PDE9A: variants seen among roughly 807,000 people sequenced by gnomAD.
PDE9A encodes the protein high affinity cGMP-specific 3',5'-cyclic phosphodiesterase 9A.
Under a neutral mutation model 87.4 loss-of-function variants are expected in PDE9A, and 60 were observed. The observed-to-expected ratio is 0.69, with a 90% CI of 0.56 to 0.85. The LOEUF is 0.85. Among genes scored for constraint, PDE9A ranks in the 40% least tolerant of loss-of-function variants. The pLI is 0.00. For missense variants in PDE9A, 665 were observed against 779.0 expected, an observed-to-expected ratio of 0.85 and a Z score of 1.74; for synonymous variants, 272 against 279.4, an observed-to-expected ratio of 0.97 and a Z score of 0.27.
intron 17 of PDE9A, among the ~76,000 whole-genome samples, chr21:42,770,485 G>C (rs751161525): frequency 6.6e-6 from 1 of 152,162 alleles, no homozygotes; most frequent in Non-Finnish European, 1.5e-5. Context: ...GGGGACACAG[G>C]AGGCAGGAAG....
intron 1 of PDE9A, among the ~76,000 whole-genome samples, chr21:42,680,561 G>A (rs879561437): frequency 9.2e-5 from 14 of 152,224 alleles, no homozygotes; most frequent in Non-Finnish European, 1.9e-4. Context: ...GGGTACAACC[G>A]ACCAGAGCCC....
In PDE9A at chr21:42,694,626, A is replaced by G. The variant is rs1437737754; in HGVS notation, c.219-4342A>G. 6.6e-6 allele frequency among the ~76,000 whole-genome samples: 1 copy of G among 152,192 alleles called. No homozygotes were observed. The highest frequency in any genetic ancestry group is 1.5e-5 in the Non-Finnish European group (1 of 68,042). ...TTCTTTCAAAATACTCCTTGCCTTAATGCCATCCTTTAGATTTTGGTGGCT... is the reference window on the plus strand; with the variant it reads ...TTCTTTCAAAATACTCCTTGCCTTAGTGCCATCCTTTAGATTTTGGTGGCT... On this transcript the variant is annotated intron_variant, in intron 3 of 19. Transcript: ENST00000291539. This position sits in a 1 kb window ranked among gnomAD's most constrained non-coding sequence, Gnocchi z 5.3.
chr21:42,680,991 T>TC (rs2059138883), intron 1 of PDE9A, among the ~76,000 whole-genome samples: 1 of 152,214 alleles, frequency 6.6e-6, no homozygotes. Context: ...TGTGTGAAAA[T>TC]CACAGGATTT....
rs2058820983 is a variant in PDE9A at position 42,675,890 on chromosome 21, C to T, written c.70-10302C>T. 6.6e-6 allele frequency among the ~76,000 whole-genome samples: 1 copy of T among 152,152 alleles called. No individual in the cohort carries two copies. The highest frequency in any genetic ancestry group is 2.1e-4 in the South Asian group (1 of 4,822). ...AAATCTCATGTTGAATTGGTATCCT[C>T]AGTGTTGGAGTGGGGCCTGGTGGGA... On this transcript the variant is annotated intron_variant, in intron 1 of 19. Coordinates refer to ENST00000291539, the MANE Select transcript of PDE9A (RefSeq NM_002606.3). This position sits in a 1 kb window ranked among gnomAD's most constrained non-coding sequence, Gnocchi z 4.3.
At chr21:42,728,828 C>T (rs752394443) in intron 4 of PDE9A, among the ~76,000 whole-genome samples, 14 of 151,840 alleles carry the variant, frequency 9.2e-5, no homozygotes, top group Admixed American at 2.0e-4. Context: ...GCTAAAACCC[C>T]GGCTCTACTA....
chr21:42,742,614 G>A (rs2053434645), intron 7 of PDE9A, among the ~76,000 whole-genome samples: 1 of 151,802 alleles, frequency 6.6e-6, no homozygotes, highest in African/African-American at 2.4e-5. Flanking sequence ...TACAGGCACT[G>A]GCACACCATG....
chr21:42,670,097 A>G (rs867970689), intron 1 of PDE9A, among the ~76,000 whole-genome samples: 1 of 151,974 alleles, frequency 6.6e-6, no homozygotes, highest in African/African-American at 2.4e-5. Flanking sequence ...ATTCTCATAC[A>G]CTCACACATA....
At chr21:42,687,013 G>GATCT (rs1239439171) in intron 2 of PDE9A, among the ~76,000 whole-genome samples, 3 of 152,180 alleles carry the variant, frequency 2.0e-5, no homozygotes, top group Admixed American at 2.0e-4. Context: ...AAAGACCAGT[G>GATCT]ATCTGCCTTA....
At position 42,759,706 on chromosome 21, in the gene PDE9A, G is replaced by A. The variant is rs769510985; in HGVS notation, c.897+621G>A. Among the ~76,000 whole-genome samples the A allele has an allele frequency of 2.6e-5, 4 of 151,158 alleles. No individual in the cohort carries two copies. Among genetic ancestry groups the A allele is most frequent in the South Asian group, 2.1e-4 (1 of 4,772 alleles). On this transcript the variant is annotated intron_variant, in intron 11 of 19. Transcript: ENST00000291539. This position sits in a 1 kb window ranked among gnomAD's most constrained non-coding sequence, Gnocchi z 7.2. ...ATATCTGGATGTGGGGTGTGTCTGT[G>A]TGTGGGTGTGTGTGAGGGTGTGTGT...
intron 7 of PDE9A, among the ~76,000 whole-genome samples, chr21:42,736,853 G>C (rs9977337): frequency 6.6e-6 from 1 of 152,118 alleles, no homozygotes; most frequent in Non-Finnish European, 1.5e-5. Context: ...CATCCTCCCC[G>C]GGCACTTCTG....
chr21:42,701,701 G>A (rs867652160), intron 4 of PDE9A, among the ~76,000 whole-genome samples: 37 of 152,002 alleles, frequency 2.4e-4, no homozygotes, highest in Admixed American at 2.0e-4. Flanking sequence ...GATTACAGAC[G>A]TGAGCCACCA....
At chr21:42,767,881 G>C (rs769474001) in intron 15 of PDE9A, among the ~76,000 whole-genome samples, 3 of 152,220 alleles carry the variant, frequency 2.0e-5, no homozygotes, top group African/African-American at 7.2e-5. Context: ...CTGGGAAGAT[G>C]AGCAATGCAC....
chr21:42,691,972 CAA>C (rs1393134726), intron 3 of PDE9A, among the ~76,000 whole-genome samples: 2 of 152,216 alleles, frequency 1.3e-5, no homozygotes, highest in African/African-American at 4.8e-5. Context: ...CATCTCCATC[CAA>C]AGTCACCCAA....
At chr21:42,670,227 ACT>A (rs2058360868) in intron 1 of PDE9A, among the ~76,000 whole-genome samples, 1 of 115,224 alleles carries the variant, frequency 8.7e-6, no homozygotes. Context: ...ACACACATAC[ACT>A]TACATTCACA....
intron 3 of PDE9A, 43 bp from the exon 4 acceptor site, chr21:42,698,925 C>T (rs561560247): frequency 2.0e-5 from 29 of 1,445,838 alleles, no homozygotes; most frequent in Middle Eastern, 1.7e-4. Flanking sequence ...ATACAGCGAG[C>T]GCCTTGCAGA....
At chr21:42,762,341 A>G in intron 14 of PDE9A, 102 bp downstream of exon 14, 1 of 1,275,972 alleles carries the variant, frequency 7.8e-7, no homozygotes, top group Non-Finnish European at 1.1e-6. Context: ...TCCTGGCCAC[A>G]GCAGTGCCCT....
rs747515176 is a variant in PDE9A, at chr21:42,699,025, G to A, written c.262+14G>A. ...AGCAACTCTCCGGTAAGGCCCTGCTGTCGTTTTTTAAACTAAAAGAAGGAA... is the reference window on the plus strand; with the variant it reads ...AGCAACTCTCCGGTAAGGCCCTGCTATCGTTTTTTAAACTAAAAGAAGGAA... On this transcript the variant is annotated intron_variant, in intron 4 of 19. Transcript: ENST00000291539. 15 of 1,594,680 alleles carry A rather than the reference G, an allele frequency of 9.4e-6. No homozygotes were observed. The highest frequency in any genetic ancestry group is 3.3e-5 in the Admixed American group (2 of 59,910).
chr21:42,726,624 A>ATATTTTTTTTTT, intron 4 of PDE9A, among the ~76,000 whole-genome samples: 34 of 19,776 alleles, frequency 1.7e-3, no homozygotes, highest in Admixed American at 4.9e-3. Context: ...ATATATATAT[A>ATATTTTTTTTTT]TTTTTTTTTT....
intron 1 of PDE9A, among the ~76,000 whole-genome samples, chr21:42,665,983 T>C (rs2057947785): frequency 6.6e-6 from 1 of 151,870 alleles, no homozygotes; most frequent in Admixed American, 6.6e-5. Context: ...GAGAAGGGAG[T>C]CCTAAGCACA....
Sources: allele counts gnomAD v4.1 joint callset (sites outside exome capture counted in the v4.1 genomes callset), GRCh38; gene constraint gnomAD v4.1.1; non-coding constraint Gnocchi (gnomAD v3.1); transcripts MANE v1.5; gene names NCBI Gene and HGNC (gene_info 2026-07-23, HGNC 2026-07-21).